PPIE: variants seen among roughly 807,000 people sequenced by gnomAD.
The protein encoded by PPIE is peptidyl-prolyl cis-trans isomerase E.
Under a neutral mutation model 38.4 loss-of-function variants are expected in PPIE, and 20 were observed. The observed-to-expected ratio is 0.52, with a 90% confidence interval of 0.37 to 0.76. The LOEUF is 0.76. PPIE is among the 30% of genes least tolerant of loss of function. The pLI, the probability that PPIE is intolerant of heterozygous loss-of-function variation, is 0.00. For synonymous variants in PPIE, 142 were observed against 135.7 expected (o/e 1.05, Z -0.32); for missense variants, 322 against 385.8 (o/e 0.83, Z 1.39).
intron 5 of PPIE, 98 bp from the exon 6 acceptor site, chr1:39,743,726 C>A: frequency 2.2e-6 from 2 of 920,046 alleles, no homozygotes; most frequent in African/African-American, 1.6e-5. Flanking sequence ...GTCTGGCATA[C>A]AGGCCACATA....
At chr1:39,763,305 C>T (rs1267680513) in intron 9 of PPIE, 1 of 1,158,770 alleles carries the variant, frequency 8.6e-7, no homozygotes, top group African/African-American at 1.6e-5. Context: ...CCCCAAGAGG[C>T]TTGAATCCAC....
At chr1:39,743,367 T>C in intron 5 of PPIE, 70 bp downstream of exon 5, 1 of 1,391,944 alleles carries the variant, frequency 7.2e-7, no homozygotes, top group African/African-American at 1.4e-5. Flanking sequence ...TTTTTGTCTC[T>C]ATTTACTTGG....
chr1:39,743,384 A>G, intron 5 of PPIE, 87 bp downstream of exon 5: 3 of 1,132,692 alleles, frequency 2.6e-6, no homozygotes, highest in Non-Finnish European at 4.0e-6. Context: ...TTGGAAGTAG[A>G]TGCTAAATGC....
chr1:39,745,235 C>G, intron 6 of PPIE, 140 bp from the exon 7 acceptor site: 1 of 1,158,190 alleles, frequency 8.6e-7, no homozygotes, highest in Non-Finnish European at 1.2e-6. Context: ...GCAGCCCTAT[C>G]AGGGCCCAAG....
Position 39,756,068 on chromosome 1 carries a change from C to G in PPIE, c.*2713C>G, listed in dbSNP as rs1648236899. The G allele has an allele frequency of 1.0e-6, 1 of 985,420 alleles. No individual in the cohort carries two copies. The highest frequency in any genetic ancestry group is 1.7e-5 in the African/African-American group (1 of 57,340). The allele number at this position is 985,420 out of a possible 1,614,324, so 61.0% of individuals were successfully genotyped here. A position where few individuals can be genotyped will look rare whatever the true frequency, so the allele number is the denominator to read the frequency against. On this transcript the variant is annotated 3_prime_UTR_variant, in exon 10 of 10. Transcript: ENST00000324379. ...CACAGGAGACAAGACCCTGCTCTTCCAGGCCAGAAGGGAGGGGAGCCCCAG... is the reference window on the plus strand; with the variant it reads ...CACAGGAGACAAGACCCTGCTCTTCGAGGCCAGAAGGGAGGGGAGCCCCAG...
rs1648079230 is a variant in PPIE at position 39,754,619 on chromosome 1, T to C, written c.*1264T>C. ...CTCATGCCTATAATTCCACCACTAT[T>C]GGGAGGCTGAGGCAGGAGGATCACT... is the stretch of plus-strand genomic sequence containing the variant. On this transcript the variant is annotated 3_prime_UTR_variant, in exon 10 of 10. Transcript: ENST00000324379. 6.6e-6 allele frequency among the ~76,000 whole-genome samples: 1 copy of C among 152,004 alleles called. No homozygotes were observed. Among genetic ancestry groups the C allele is most frequent in the East Asian group, 1.9e-4 (1 of 5,182 alleles).
Position 39,745,486 on chromosome 1 carries a change from C to G in PPIE, c.496C>G (p.Pro166Ala), listed in dbSNP as rs773763047. The change falls in exon 7 of 10, where the codon CCC becomes GCC. Residue 166 changes from proline (P) to alanine (A), a missense_variant. By Grantham distance (27) the Pro-to-Ala change is conservative. Transcript: ENST00000324379. ...IQMLLRSDVV[P>A]MTAENFRCLC... ...GATGCTCCTGCGTTCTGATGTCGTG[C>G]CCATGACAGCAGGTGAGCAGGACGC... 1.9e-6 allele frequency: 3 copies of G among 1,614,208 alleles called. No homozygotes were observed. The South Asian group carries it at 3.3e-5, about 18-fold the overall frequency.
At chr1:39,742,454 AAAT>A (rs1647082472) in intron 4 of PPIE, 1 of 151,890 alleles carries the variant, frequency 6.6e-6, no homozygotes, top group Non-Finnish European at 1.5e-5. Context: ...TTTGTTGGAA[AAAT>A]AATACTTCAG....
At chr1:39,742,050 A>G (rs1647071266) in intron 4 of PPIE, 129 bp downstream of exon 4, 1 of 902,970 alleles carries the variant, frequency 1.1e-6, no homozygotes, top group South Asian at 1.5e-5. Flanking sequence ...TCTCACATGA[A>G]AATATTCACT....
Position 39,743,154 on chromosome 1 carries a change from A to C in PPIE, c.202-62A>C, listed in dbSNP as rs1040825018. On this transcript the variant is annotated intron_variant, in intron 4 of 9. Coordinates refer to ENST00000324379, the MANE Select transcript of PPIE (RefSeq NM_006112.4). ...TGAGTGTGTCTCAGAAGTATATGGA[A>C]AGCTGGCTGGCCCTCTTTTAACCTA... The C allele has an allele frequency of 2.8e-6, 4 of 1,419,840 alleles. No homozygotes were observed. In the Admixed American group the frequency reaches 5.1e-5, roughly 18 times the overall value. 88.0% of individuals were successfully genotyped at this position (1,419,840 alleles called of 1,614,324 possible).
exon 10 of PPIE, chr1:39,763,761 A>G: frequency 6.2e-7 from 1 of 1,604,386 alleles, no homozygotes; most frequent in Non-Finnish European, 8.5e-7. Context: ...CCGACGGCAG[A>G]CCTGCCGGCC....
chr1:39,742,172 T>A lies in PPIE; in HGVS notation c.201+251T>A, dbSNP rs1647074260. On this transcript the variant is annotated intron_variant, in intron 4 of 9. Transcript: ENST00000324379. ...AGTCTCTCACTGGCTCTCCCATGTT[T>A]AGGATAATTTGCAGACACAGTGCAA... 1.1e-5 allele frequency: 5 copies of A among 470,896 alleles called. No homozygotes were observed. The South Asian group carries it at 1.2e-4, about 11-fold the overall frequency. 29.2% of individuals were successfully genotyped at this position (470,896 alleles called of 1,614,324 possible).
exon 10 of PPIE, chr1:39,763,784 G>A (rs1360047895): frequency 6.2e-7 from 1 of 1,600,224 alleles, no homozygotes; most frequent in Non-Finnish European, 8.5e-7. Context: ...GGGAGCCGTG[G>A]ACGTCATCTG....
chr1:39,755,456 C>A lies in PPIE; in HGVS notation c.*2101C>A, dbSNP rs1648165462. On this transcript the variant is annotated 3_prime_UTR_variant, in exon 10 of 10. Transcript: ENST00000324379. Reference sequence around the variant, plus strand: ...TGGGATATACTACATGGTTACCCCTCACCCCTATGGAGCTTCCAAAAGAGA... The same window carrying A: ...TGGGATATACTACATGGTTACCCCTAACCCCTATGGAGCTTCCAAAAGAGA... 3 of 985,346 alleles carry A rather than the reference C, an allele frequency of 3.0e-6. No homozygotes were observed. The highest frequency in any genetic ancestry group is 6.1e-5 in the Admixed American group (1 of 16,266). 61.0% of individuals were successfully genotyped at this position (985,346 alleles called of 1,614,324 possible).
intron 4 of PPIE, 123 bp from the exon 5 acceptor site, chr1:39,743,093 C>G (rs1647102302): frequency 1.2e-6 from 1 of 803,476 alleles, no homozygotes; most frequent in Non-Finnish European, 2.0e-6. Context: ...GCATAGCTTA[C>G]TGGTAGAGGC....
intron 1 of PPIE, among the ~76,000 whole-genome samples, chr1:39,739,823 G>T (rs1460466286): frequency 6.6e-6 from 1 of 152,202 alleles, no homozygotes; most frequent in African/African-American, 2.4e-5. Context: ...CCTGAGGACA[G>T]TGGGAAGCCT....
rs1343278979 is a variant in PPIE at position 39,745,482 on chromosome 1, C to T, written c.492C>T (p.Val164=). Residue 164 remains valine (V), a synonymous_variant, in exon 7 of 10, where the codon GTC becomes GTT. Transcript: ENST00000324379. ...TCCAGATGCTCCTGCGTTCTGATGTCGTGCCCATGACAGCAGGTGAGCAGG... is the reference window on the plus strand; with the variant it reads ...TCCAGATGCTCCTGCGTTCTGATGTTGTGCCCATGACAGCAGGTGAGCAGG... ...GRIQMLLRSD[V]VPMTAENFRC... The T allele has an allele frequency of 3.7e-6, 6 of 1,614,096 alleles. No homozygotes were observed. The highest frequency in any genetic ancestry group is 1.3e-5 in the African/African-American group (1 of 74,938).
chr1:39,757,775 T>A (rs2124393614), downstream of PPIE: 1 of 152,394 alleles, frequency 6.6e-6, no homozygotes. Context: ...ATGCACATGC[T>A]TGGCTCAGCA....
In PPIE at chr1:39,743,892, G is replaced by A; in HGVS notation, c.352G>A (p.Gly118Arg). The change falls in exon 6 of 10, where the codon GGG becomes AGG. Residue 118 changes from glycine (G) to arginine (R), a missense_variant. Physicochemically the swap from Gly to Arg is moderately radical, Grantham distance 125 (BLOSUM62 -2). Transcript: ENST00000324379. ...KTLEENKEEE[G>R]SEPPKAETQE... ...GCTTGAAGAGAATAAAGAGGAAGAA[G>A]GGTCAGAGCCTCCCAAAGCAGAGAC... is the stretch of plus-strand genomic sequence containing the variant. 6.2e-7 allele frequency: 1 copy of A among 1,613,692 alleles called. No homozygotes were observed. Among genetic ancestry groups the A allele is most frequent in the South Asian group, 1.1e-5 (1 of 91,064 alleles).
Sources: allele counts gnomAD v4.1 joint callset (sites outside exome capture counted in the v4.1 genomes callset), GRCh38; gene constraint gnomAD v4.1.1; transcripts MANE v1.5; gene names NCBI Gene and HGNC (gene_info 2026-07-23, HGNC 2026-07-21).